The following KMT2E variants were observed in gnomAD, a reference collection of about 807,000 sequenced individuals.
The protein encoded by KMT2E is lysine methyltransferase 2E (inactive), also known as histone reader KMT2E.
A neutral mutation model predicts 184.6 loss-of-function variants in KMT2E; 30 were observed. The ratio of observed to expected loss-of-function variants is 0.16; its 90% CI spans 0.12 to 0.22. KMT2E has a LOEUF of 0.22. KMT2E is among the 10% of genes least tolerant of loss of function. The pLI is 1.00. For missense variants in KMT2E, 2,023 were observed against 2,237.4 expected, an observed-to-expected ratio of 0.90 and a Z score of 1.93; for synonymous variants, 815 against 776.5, an observed-to-expected ratio of 1.05 and a Z score of -0.82.
intron 4 of KMT2E, among the ~76,000 whole-genome samples, chr7:105,062,920 T>C (rs1007951756): frequency 6.1e-4 from 92 of 151,864 alleles, no homozygotes; most frequent in African/African-American, 2.2e-3. Flanking sequence ...AAAACTATAT[T>C]ATATGTTTTA....
chr7:105,101,620 T>G, intron 16 of KMT2E, 31 bp downstream of exon 16: 1 of 1,465,108 alleles, frequency 6.8e-7, no homozygotes, highest in Non-Finnish European at 9.1e-7. Flanking sequence ...TTTATTTTCT[T>G]AAACACTTTA....
At chr7:105,064,951 G>A (rs1005391283) in intron 5 of KMT2E, among the ~76,000 whole-genome samples, 3 of 151,854 alleles carry the variant, frequency 2.0e-5, no homozygotes, top group Admixed American at 1.3e-4. Flanking sequence ...TGATATAACG[G>A]CGATGGTCTA....
At chr7:105,091,758 T>A in intron 15 of KMT2E, 1 of 209,286 alleles carries the variant, frequency 4.8e-6, no homozygotes, top group South Asian at 1.4e-4. Context: ...ATTTCTACAG[T>A]CTCACACTGC....
Position 105,107,744 on chromosome 7 carries a change from G to A in KMT2E, c.3287G>A (p.Gly1096Glu). The A allele has an allele frequency of 6.2e-7, 1 of 1,614,162 alleles. No homozygotes were observed. The highest frequency in any genetic ancestry group is 8.5e-7 in the Non-Finnish European group (1 of 1,180,024). ...ACACCCTCGCATCAGTTGGAGGTTG[G>A]AGGAGGCTTCCGAATAAGTGAGTCA... ...DLTPSHQLEV[G>E]GGFRISESKC... The change falls in exon 22 of 27, where the codon GGA becomes GAA. Residue 1096 changes from glycine (G) to glutamate (E), a missense_variant. Physicochemically the swap from Gly to Glu is moderately conservative, Grantham distance 98. Coordinates refer to ENST00000311117, the MANE Select transcript of KMT2E (RefSeq NM_182931.3).
At chr7:105,042,271 A>G (rs1795913563) in intron 3 of KMT2E, among the ~76,000 whole-genome samples, 1 of 152,168 alleles carries the variant, frequency 6.6e-6, no homozygotes, top group Non-Finnish European at 1.5e-5. Flanking sequence ...GATTACAGGC[A>G]TGAACCACCA....
At chr7:105,068,633 T>TG (rs1562904360) in intron 6 of KMT2E, among the ~76,000 whole-genome samples, 1 of 135,524 alleles carries the variant, frequency 7.4e-6, no homozygotes, top group Non-Finnish European at 1.5e-5. Flanking sequence ...GGTTTTTTTT[T>TG]TTTTTGTTTT....
At chr7:105,014,842 C>T (rs1286835388) in intron 1 of KMT2E, among the ~76,000 whole-genome samples, 3 of 152,044 alleles carry the variant, frequency 2.0e-5, no homozygotes, top group African/African-American at 7.3e-5. Flanking sequence ...GGGTTAAGGC[C>T]GCTTGAGTGA....
At chr7:105,073,763 T>C (rs957891619) in intron 7 of KMT2E, 86 bp downstream of exon 7, 2 of 799,120 alleles carry the variant, frequency 2.5e-6, no homozygotes, top group East Asian at 2.6e-5. Context: ...AATGTAAATA[T>C]TTTTAGTTAA....
intron 22 of KMT2E, 127 bp downstream of exon 22, chr7:105,108,052 A>G (rs1430141077): frequency 2.6e-5 from 17 of 650,714 alleles, no homozygotes; most frequent in Admixed American, 3.9e-5. Flanking sequence ...TACATTTTTA[A>G]TATTTTTAAA....
At chr7:105,033,410 A>G (rs1053067677) in intron 1 of KMT2E, among the ~76,000 whole-genome samples, 1 of 152,202 alleles carries the variant, frequency 6.6e-6, no homozygotes, top group African/African-American at 2.4e-5. Context: ...GTCTTAGTCC[A>G]TTTAGTGTTG....
chr7:105,067,963 G>C (rs1295626002), intron 6 of KMT2E, among the ~76,000 whole-genome samples: 1 of 152,046 alleles, frequency 6.6e-6, no homozygotes, highest in African/African-American at 2.4e-5. Flanking sequence ...CAGAGTGAGA[G>C]CCTGTTTCAA....
In KMT2E at chr7:105,113,381, A is replaced by ATAT. The variant is rs1799420383; in HGVS notation, c.*50_*52dup. 6.5e-7 allele frequency: 1 copy of ATAT among 1,544,906 alleles called. No individual in the cohort carries two copies. The highest frequency in any genetic ancestry group is 8.8e-7 in the Non-Finnish European group (1 of 1,139,994). On this transcript the variant is annotated 3_prime_UTR_variant, in exon 27 of 27. Transcript: ENST00000311117. The stretch of plus-strand genomic sequence containing the variant: ...TTAAATGTTCTGTAAGATAAACTGT[A>ATAT]TATTTCATATGTACCTGTTAAGGTA...
intron 3 of KMT2E, among the ~76,000 whole-genome samples, chr7:105,053,073 A>G (rs1364817706): frequency 3.3e-5 from 5 of 152,186 alleles, no homozygotes; most frequent in Non-Finnish European, 7.3e-5. Flanking sequence ...TTGAATGAAA[A>G]GTCCCTCATA....
intron 13 of KMT2E, among the ~76,000 whole-genome samples, chr7:105,083,075 CATG>C (rs923916801): frequency 6.6e-6 from 1 of 152,120 alleles, no homozygotes; most frequent in Non-Finnish European, 1.5e-5. Flanking sequence ...TGATCTCTTT[CATG>C]ATTTTTCTGA....
intron 3 of KMT2E, among the ~76,000 whole-genome samples, chr7:105,057,871 CA>C (rs1245065470): frequency 4.6e-5 from 7 of 152,182 alleles, no homozygotes; most frequent in Admixed American, 4.6e-4. Flanking sequence ...TATTATATAA[CA>C]AAATTAACAT....
chr7:105,101,739 A>C (rs1798663207), intron 16 of KMT2E, 147 bp from the exon 17 acceptor site: 3 of 945,868 alleles, frequency 3.2e-6, no homozygotes, highest in Non-Finnish European at 4.5e-6. Flanking sequence ...GCTTGAGATA[A>C]AAGACTATAT....
chr7:105,039,283 A>G (rs1795788793), intron 2 of KMT2E: 1 of 152,214 alleles, frequency 6.6e-6, no homozygotes, highest in Admixed American at 6.5e-5. Context: ...TGTACTGAGG[A>G]TGGCATATTT....
In KMT2E at chr7:105,083,151, G is replaced by A. The variant is rs1033529077; in HGVS notation, c.1358+1354G>A. 3.3e-5 allele frequency among the ~76,000 whole-genome samples: 5 copies of A among 152,294 alleles called. No homozygotes were observed. The East Asian group carries it at 9.6e-4, about 29-fold the overall frequency. ...ATCTGGACACAGTTCACTCCAGCAG[G>A]AATTTATTGTTTTGGGCATGATGGC... On this transcript the variant is annotated intron_variant, in intron 13 of 26. Coordinates refer to ENST00000311117, the MANE Select transcript of KMT2E (RefSeq NM_182931.3).
intron 13 of KMT2E, among the ~76,000 whole-genome samples, chr7:105,087,264 TA>T (rs1165815430): frequency 2.1e-5 from 3 of 140,090 alleles, no homozygotes; most frequent in African/African-American, 8.4e-5. Context: ...AACATGAGCA[TA>T]TATATAATAT....
Sources: allele counts gnomAD v4.1 joint callset (sites outside exome capture counted in the v4.1 genomes callset), GRCh38; gene constraint gnomAD v4.1.1; transcripts MANE v1.5; gene names NCBI Gene and HGNC (gene_info 2026-07-23, HGNC 2026-07-21).